ZEB2: variants seen among roughly 807,000 people sequenced by gnomAD.
The protein encoded by ZEB2 is zinc finger E-box-binding homeobox 2.
A neutral mutation model predicts 99.9 loss-of-function variants in ZEB2; 6 were observed. The observed-to-expected ratio is 0.06, with a 90% CI of 0.03 to 0.12. The LOEUF (loss-of-function observed/expected upper bound fraction) is 0.12. Ranked by LOEUF, ZEB2 falls within the 10% of genes least tolerant of loss-of-function variation. ZEB2 has a pLI of 1.00. For missense variants in ZEB2, 969 were observed against 1,502.8 expected (o/e 0.64, Z 5.87); for synonymous variants, 517 against 542.5 (o/e 0.95, Z 0.65).
intron 2 of ZEB2, among the ~76,000 whole-genome samples, chr2:144,456,378 A>C (rs1360223548): frequency 2.0e-5 from 3 of 152,186 alleles, no homozygotes; most frequent in Non-Finnish European, 4.4e-5. Flanking sequence ...ATTCGATGAT[A>C]AGTATGTGGG....
At chr2:144,473,450 A>T (rs1041566260) in intron 2 of ZEB2, among the ~76,000 whole-genome samples, 1 of 152,088 alleles carries the variant, frequency 6.6e-6, no homozygotes, top group African/African-American at 2.4e-5. Context: ...TTTGGTAGAG[A>T]CAGGGTCCCA....
intron 2 of ZEB2, among the ~76,000 whole-genome samples, chr2:144,472,826 A>T (rs1394070690): frequency 7.7e-6 from 1 of 130,180 alleles, no homozygotes; most frequent in Non-Finnish European, 1.7e-5. Context: ...GTACCAGAAG[A>T]GCTTACCTCC....
intron 2 of ZEB2, chr2:144,512,368 C>T (rs908589210): frequency 2.3e-6 from 3 of 1,287,136 alleles, no homozygotes; most frequent in Middle Eastern, 3.2e-4. Flanking sequence ...AAACGCGGCA[C>T]TGCTAGAGGC....
intron 2 of ZEB2, among the ~76,000 whole-genome samples, chr2:144,465,437 A>G (rs766080696): frequency 2.0e-4 from 30 of 152,152 alleles, no homozygotes; most frequent in Non-Finnish European, 3.7e-4. Context: ...GCAGCCTTGT[A>G]TCCAGTCCTA....
At chr2:144,452,902 T>C (rs1704074447) in intron 2 of ZEB2, among the ~76,000 whole-genome samples, 1 of 152,226 alleles carries the variant, frequency 6.6e-6, no homozygotes, top group African/African-American at 2.4e-5. Context: ...AAGCCTTTAA[T>C]CTTTCCCACA....
chr2:144,509,590 AGTTTGTGTGTGT>A (rs1487778148), intron 2 of ZEB2, among the ~76,000 whole-genome samples: 2 of 151,900 alleles, frequency 1.3e-5, no homozygotes, highest in Admixed American at 6.6e-5. Flanking sequence ...GCACTTCCAA[AGTTTGTGTGTGT>A]GTTTGTGTGT....
rs75072083 is a variant in ZEB2 at position 144,477,692 on chromosome 2, C to T, written c.73+39586G>A. On this transcript the variant is annotated intron_variant, in intron 2 of 9. Coordinates refer to ENST00000627532, the MANE Select transcript of ZEB2 (RefSeq NM_014795.4). ...TTTGAGTTTGAAGCCTGCTCCATTTCGTGTGAATACCGTGGTGGAGGTAGC... is the reference window on the plus strand; with the variant it reads ...TTTGAGTTTGAAGCCTGCTCCATTTTGTGTGAATACCGTGGTGGAGGTAGC... Among the ~76,000 whole-genome samples, 551 of 152,318 alleles carry T rather than the reference C, an allele frequency of 3.6e-3. 5 individuals are homozygous for T. Among genetic ancestry groups the T allele is most frequent in the Non-Finnish European group, 6.1e-3 (415 of 68,034 alleles).
At chr2:144,502,658 C>G (rs1704890626) in intron 2 of ZEB2, among the ~76,000 whole-genome samples, 1 of 152,136 alleles carries the variant, frequency 6.6e-6, no homozygotes, top group African/African-American at 2.4e-5. Flanking sequence ...AACAAAAACC[C>G]AGCGTAGATA....
chr2:144,424,072 G>T (rs1432537628), intron 4 of ZEB2, among the ~76,000 whole-genome samples: 1 of 152,156 alleles, frequency 6.6e-6, no homozygotes, highest in African/African-American at 2.4e-5. Context: ...ATTTGTGTTG[G>T]TGATGTAAGA....
At chr2:144,411,996 A>G (rs7560525) in intron 4 of ZEB2, among the ~76,000 whole-genome samples, 140,980 of 152,310 alleles carry the variant, frequency 0.93, 65,308 homozygotes, top group Admixed American at 0.96. Flanking sequence ...TAGGCCGGGC[A>G]CGGTGGCTTA....
chr2:144,424,892 A>G, intron 3 of ZEB2, 25 bp from the exon 4 acceptor site: 2 of 1,612,434 alleles, frequency 1.2e-6, no homozygotes, highest in Non-Finnish European at 1.7e-6. Flanking sequence ...TATCTTTAGC[A>G]TTTGAGAATT....
intron 2 of ZEB2, among the ~76,000 whole-genome samples, chr2:144,497,364 C>T (rs2149922605): frequency 6.6e-6 from 1 of 152,238 alleles, no homozygotes; most frequent in African/African-American, 2.4e-5. Context: ...TTTTTTGATC[C>T]ACAGACCTCA....
intron 2 of ZEB2, among the ~76,000 whole-genome samples, chr2:144,431,441 G>A (rs1273068988): frequency 2.0e-5 from 3 of 151,488 alleles, no homozygotes; most frequent in East Asian, 1.9e-4. Flanking sequence ...AGATTACACC[G>A]TGCATATCTG....
chr2:144,425,067 A>G, intron 3 of ZEB2, 200 bp from the exon 4 acceptor site: 1 of 589,758 alleles, frequency 1.7e-6, no homozygotes. Context: ...TACTTTAAGC[A>G]TTACTGCAAG....
At chr2:144,446,052 C>T (rs1703978911) in intron 2 of ZEB2, among the ~76,000 whole-genome samples, 1 of 151,678 alleles carries the variant, frequency 6.6e-6, no homozygotes, top group Admixed American at 6.6e-5. Context: ...CTTCTCTCTC[C>T]CCCTTCCTTC....
chr2:144,437,378 A>G (rs1398805925), intron 2 of ZEB2, among the ~76,000 whole-genome samples: 2 of 152,228 alleles, frequency 1.3e-5, no homozygotes, highest in African/African-American at 4.8e-5. Context: ...ACAGACTTTC[A>G]TAAATACATC....
chr2:144,510,973 GC>G (rs1221855315), intron 2 of ZEB2, among the ~76,000 whole-genome samples: 7 of 152,196 alleles, frequency 4.6e-5, no homozygotes, highest in South Asian at 2.1e-4. Flanking sequence ...TAACGGTGCA[GC>G]TACTGGGTGT....
intron 2 of ZEB2, among the ~76,000 whole-genome samples, chr2:144,445,519 G>T (rs1703971770): frequency 6.6e-6 from 1 of 152,050 alleles, no homozygotes; most frequent in Non-Finnish European, 1.5e-5. Context: ...GCTTAGTTAA[G>T]CTGATTACAG....
chr2:144,420,905 C>A (rs1172859247), intron 4 of ZEB2, among the ~76,000 whole-genome samples: 2 of 152,082 alleles, frequency 1.3e-5, no homozygotes, highest in Non-Finnish European at 2.9e-5. Context: ...TGAAGAACGT[C>A]CTGTAGGTGC....
Sources: gnomAD v4.1 joint callset for allele counts (sites outside exome capture counted in the v4.1 genomes callset) on GRCh38, gnomAD v4.1.1 for gene constraint, MANE v1.5 for transcripts, NCBI Gene and HGNC (gene_info 2026-07-23, HGNC 2026-07-21) for gene names.